Variants in PHYKPL observed in about 807,000 individuals in gnomAD.
PHYKPL encodes the protein 5-phosphonooxy-L-lysine phospho-lyase.
A neutral mutation model predicts 51.3 loss-of-function variants in PHYKPL; 42 were observed. That is an observed-to-expected ratio of 0.82 (90% CI 0.64 to 1.06). PHYKPL has a LOEUF of 1.06. Among genes scored for constraint, PHYKPL ranks in the 50% least tolerant of loss-of-function variants. The pLI is 0.00. For synonymous variants in PHYKPL, 264 were observed against 236.0 expected, an observed-to-expected ratio of 1.12 and a Z score of -1.09; for missense variants, 655 against 586.6, an observed-to-expected ratio of 1.12 and a Z score of -1.20.
At position 178,232,427 on chromosome 5, in the gene PHYKPL, T is replaced by TAGTG. The variant is rs1446313845; in HGVS notation, c.59+64_59+65insCACT. 9.1e-5 allele frequency: 124 copies of TAGTG among 1,365,598 alleles called. No individual in the cohort carries two copies. The East Asian group carries it at 2.6e-3, about 28-fold the overall frequency. 84.6% of individuals were successfully genotyped at this position (1,365,598 alleles called of 1,614,324 possible). ...CGTGCGTAGTGCGTGCGTGCGTGCG[T>TAGTG]CGTGCGTGCGCGTGCCTCTCCGCGC... is the stretch of plus-strand genomic sequence containing the variant. On this transcript the variant is annotated intron_variant, in intron 1 of 12. Coordinates refer to ENST00000308158, the MANE Select transcript of PHYKPL (RefSeq NM_153373.4).
chr5:178,221,573 TTATCTTGCCTTATC>T (rs1025551664), intron 8 of PHYKPL, among the ~76,000 whole-genome samples: 2 of 152,148 alleles, frequency 1.3e-5, no homozygotes, highest in African/African-American at 2.4e-5. Flanking sequence ...CCTAAGGACA[TTATCTTGCCTTATC>T]TATCTTGCCA....
chr5:178,223,475 A>T (rs1160640414), intron 6 of PHYKPL: 2 of 455,644 alleles, frequency 4.4e-6, no homozygotes, highest in African/African-American at 2.0e-5. Context: ...CCCCTCAGTG[A>T]CCCCTTCTGC....
In PHYKPL at chr5:178,209,388, G is replaced by C. The variant is rs140970268; in HGVS notation, c.*32-473C>G. Reference sequence around the variant, plus strand: ...TATCAGCAGCAGCAGTATGGCTCTGGGGGCCGTGGAAACCGCAACCGAGGG... The same window carrying C: ...TATCAGCAGCAGCAGTATGGCTCTGCGGGCCGTGGAAACCGCAACCGAGGG... On this transcript the variant is annotated intron_variant, in intron 12 of 12. Transcript: ENST00000308158. The C allele has an allele frequency of 2.5e-6, 4 of 1,614,096 alleles. No individual in the cohort carries two copies. In the African/African-American group the frequency reaches 5.3e-5, roughly 22 times the overall value.
chr5:178,229,962 C>T lies in PHYKPL; in HGVS notation c.316G>A (p.Val106Met). The T allele has an allele frequency of 1.2e-6, 2 of 1,614,128 alleles. No homozygotes were observed. The highest frequency in any genetic ancestry group is 1.7e-6 in the Non-Finnish European group (2 of 1,179,942). Residue 106 changes from valine to methionine, a missense_variant, in exon 3 of 13, where the codon GTG (valine) becomes ATG (methionine). By Grantham distance (21) the Val-to-Met change is conservative. Coordinates refer to ENST00000308158, the MANE Select transcript of PHYKPL (RefSeq NM_153373.4). ...TACCCAGAATTCAGGAAATAGAACA[C>T]ACAGAGCTGCTCCGGCAGGGTCTCT... ...LSETLPEQLC[V>M]FYFLNSGSEA...
chr5:178,230,462 T>A, intron 2 of PHYKPL: 1 of 190,674 alleles, frequency 5.2e-6, no homozygotes, highest in South Asian at 1.0e-4. Context: ...GCTCAAGTGG[T>A]CCTCCCACCT....
chr5:178,225,639 C>T, intron 3 of PHYKPL: 2 of 572,102 alleles, frequency 3.5e-6, no homozygotes, highest in Non-Finnish European at 6.3e-6. Context: ...ATGGCCTTGG[C>T]CCTTCTGGAA....
chr5:178,232,418 G>A (rs1763683744), intron 1 of PHYKPL, 74 bp downstream of exon 1: 5 of 1,355,130 alleles, frequency 3.7e-6, no homozygotes, highest in Non-Finnish European at 4.7e-6. Context: ...TAGTGCGTGC[G>A]TGCGTGCGTC....
Position 178,222,874 on chromosome 5 carries a change from C to T in PHYKPL, c.679G>A (p.Gly227Ser). ...SVGGQIIPPA[G>S]YFSQVAEHIR... is the part of the protein sequence containing the mutation. ...CACTCTGCCACTTGGGAGAAGTAGC[C>T]AGCAGGGGGAATGATCTGCCCTCCC... Residue 227 changes from glycine (G) to serine (S), a missense_variant, in exon 7 of 13, where the codon GGC becomes AGC. Coordinates refer to ENST00000308158, the MANE Select transcript of PHYKPL (RefSeq NM_153373.4). 1 of 1,614,132 alleles carries T rather than the reference C, an allele frequency of 6.2e-7. No homozygotes were observed. The highest frequency in any genetic ancestry group is 8.5e-7 in the Non-Finnish European group (1 of 1,180,022).
intron 8 of PHYKPL, 83 bp from the exon 9 acceptor site, chr5:178,215,513 A>G: frequency 6.8e-7 from 1 of 1,480,388 alleles, no homozygotes; most frequent in South Asian, 1.3e-5. Context: ...AAGAACTGCC[A>G]CACGTGTTCC....
At chr5:178,210,605 T>C (rs776274134) in intron 12 of PHYKPL, 194 of 1,613,916 alleles carry the variant, frequency 1.2e-4, no homozygotes, top group Non-Finnish European at 1.5e-4. Context: ...GCCATCAGAA[T>C]AACTACAAGC....
intron 10 of PHYKPL, among the ~76,000 whole-genome samples, chr5:178,213,389 A>G (rs903997235): frequency 2.0e-5 from 3 of 152,226 alleles, no homozygotes; most frequent in African/African-American, 7.2e-5. Flanking sequence ...GGCCACAGGG[A>G]AACGCCAGAC....
intron 3 of PHYKPL, chr5:178,228,437 G>A (rs1326507289): frequency 9.1e-6 from 6 of 662,946 alleles, no homozygotes; most frequent in Non-Finnish European, 1.4e-5. Context: ...GAAGTCCCTG[G>A]AATCCACACA....
chr5:178,207,442 G>A (rs1436003366), downstream of PHYKPL, among the ~76,000 whole-genome samples: 1 of 152,208 alleles, frequency 6.6e-6, no homozygotes, highest in Non-Finnish European at 1.5e-5. Flanking sequence ...GGATGTGAGG[G>A]AGGTAGGAGA....
intron 4 of PHYKPL, 142 bp downstream of exon 4, chr5:178,225,212 TG>T: frequency 1.1e-6 from 1 of 931,946 alleles, no homozygotes; most frequent in Non-Finnish European, 1.6e-6. Flanking sequence ...GTCTCAGGCC[TG>T]GTCCTCTGCC....
chr5:178,232,404 T>C, intron 1 of PHYKPL, 88 bp downstream of exon 1: 1 of 1,342,456 alleles, frequency 7.4e-7, no homozygotes, highest in South Asian at 1.9e-5. Flanking sequence ...CGGAGGCGCG[T>C]GCGTAGTGCG....
rs749664390 is a variant in PHYKPL at position 178,222,451 on chromosome 5, G to A, written c.831C>T (p.Gly277=). The A allele has an allele frequency of 6.2e-7, 1 of 1,614,278 alleles. No homozygotes were observed. Among genetic ancestry groups the A allele is most frequent in the South Asian group, 1.1e-5 (1 of 91,088 alleles). Residue 277 remains glycine (G), a synonymous_variant, in exon 8 of 13, where the codon GGC becomes GGT. Transcript: ENST00000308158. ...CAGGGTGGCCGTTGCCAATGGACTT[G>A]CCCATGGTGACGATGTCAGGGACGA... ...KDFVPDIVTM[G]KSIGNGHPVA...
intron 3 of PHYKPL, chr5:178,228,041 C>G: frequency 5.9e-6 from 1 of 168,536 alleles, no homozygotes. Context: ...CAACCCTTGC[C>G]CTTTTGAACA....
chr5:178,214,498 G>A (rs1393368577), intron 10 of PHYKPL, among the ~76,000 whole-genome samples: 1 of 152,198 alleles, frequency 6.6e-6, no homozygotes, highest in Non-Finnish European at 1.5e-5. Flanking sequence ...TGCCCTGCTA[G>A]CTTGGGCATT....
At chr5:178,209,198 C>T (rs1059367) in intron 12 of PHYKPL, 65,015 of 769,288 alleles carry the variant, frequency 0.085, 3,363 homozygotes, top group East Asian at 0.16. Flanking sequence ...GGTGGCCTCC[C>T]ATACTAGCAT....
Sources: allele counts gnomAD v4.1 joint callset (sites outside exome capture counted in the v4.1 genomes callset), GRCh38; gene constraint gnomAD v4.1.1; transcripts MANE v1.5; gene names NCBI Gene and HGNC (gene_info 2026-07-23, HGNC 2026-07-21).